IMMP2L: variants seen among roughly 807,000 people sequenced by gnomAD.
The protein encoded by IMMP2L is inner mitochondrial membrane peptidase subunit 2, also known as mitochondrial inner membrane protease subunit 2.
IMMP2L carries 18 observed loss-of-function variants against 19.3 expected under a neutral mutation model. The ratio of observed to expected loss-of-function variants is 0.93; its 90% CI spans 0.64 to 1.38. The LOEUF is 1.38. Among genes scored for constraint, IMMP2L ranks in the 40% most tolerant of loss-of-function variants. IMMP2L has a pLI of 0.00. For missense variants in IMMP2L, 233 were observed against 218.2 expected, an observed-to-expected ratio of 1.07 and a Z score of -0.43; for synonymous variants, 76 against 73.0, an observed-to-expected ratio of 1.04 and a Z score of -0.21.
chr7:110,705,490 T>C lies in IMMP2L; in HGVS notation c.409-41769A>G, dbSNP rs529764706. The stretch of plus-strand genomic sequence containing the variant: ...ACATAATAAAAGATTATATGAAACG[T>C]CTTGAAATTAATCCAAAGGATGAAG... On this transcript the variant is annotated intron_variant, in intron 5 of 5. Transcript: ENST00000405709. Among the ~76,000 whole-genome samples, 4 of 152,296 alleles carry C rather than the reference T, an allele frequency of 2.6e-5. 1 individual carries two copies. The highest frequency in any genetic ancestry group is 7.2e-5 in the African/African-American group (3 of 41,554).
intron 4 of IMMP2L, among the ~76,000 whole-genome samples, chr7:110,937,278 AT>A (rs1197843767): frequency 1.3e-5 from 2 of 152,192 alleles, no homozygotes; most frequent in African/African-American, 2.4e-5. Context: ...GTGACTAGAG[AT>A]AAAGGTAGGG....
chr7:110,664,636 A>C (rs1273714850), intron 5 of IMMP2L, among the ~76,000 whole-genome samples: 1 of 152,152 alleles, frequency 6.6e-6, no homozygotes, highest in African/African-American at 2.4e-5. Context: ...GTCTTATCTT[A>C]AGAGATTACC....
chr7:111,280,061 T>C (rs1242098970), intron 3 of IMMP2L, among the ~76,000 whole-genome samples: 2 of 152,108 alleles, frequency 1.3e-5, no homozygotes, highest in Non-Finnish European at 2.9e-5. Flanking sequence ...CTCACTCCTC[T>C]TAACACCATC....
intron 3 of IMMP2L, among the ~76,000 whole-genome samples, chr7:111,098,259 C>T (rs562362196): frequency 7.9e-4 from 120 of 151,866 alleles, no homozygotes; most frequent in African/African-American, 2.7e-3. Flanking sequence ...TTATTACTCA[C>T]GTATTTTTTA....
chr7:110,873,429 CAAAAAAAAAA>C (rs60827428), intron 5 of IMMP2L, among the ~76,000 whole-genome samples: 12 of 28,952 alleles, frequency 4.1e-4, no homozygotes, highest in Admixed American at 1.3e-3. Context: ...GACTCTATCT[CAAAAAAAAAA>C]AAAAAAAAAA....
chr7:110,824,695 C>T (rs1803308875), intron 5 of IMMP2L, among the ~76,000 whole-genome samples: 1 of 152,066 alleles, frequency 6.6e-6, no homozygotes, highest in Non-Finnish European at 1.5e-5. Flanking sequence ...GGATCTTTAC[C>T]TATGTGCATG....
intron 3 of IMMP2L, among the ~76,000 whole-genome samples, chr7:111,081,049 G>T (rs1795846836): frequency 6.6e-6 from 1 of 152,166 alleles, no homozygotes; most frequent in South Asian, 2.1e-4. Context: ...GGATATTATT[G>T]ATAGGATAAG....
At chr7:110,885,017 G>T (rs1179005878) in intron 5 of IMMP2L, among the ~76,000 whole-genome samples, 2 of 151,622 alleles carry the variant, frequency 1.3e-5, no homozygotes, top group Non-Finnish European at 2.9e-5. Context: ...CTATGTGAAA[G>T]AAATTATTTT....
rs1328367181 is a variant in IMMP2L, at chr7:110,728,391, C to T, written c.409-64670G>A. On this transcript the variant is annotated intron_variant, in intron 5 of 5. Coordinates refer to ENST00000405709, the MANE Select transcript of IMMP2L (RefSeq NM_032549.4). This position sits in a 1 kb window ranked among gnomAD's most constrained non-coding sequence, Gnocchi z 4.6. ...GTGTGTGCCTGTAAACCCAGCTACT[C>T]GGGAGGCTGAGGCACGAGAATCGCT... is the stretch of plus-strand genomic sequence containing the variant. Among the ~76,000 whole-genome samples, 1 of 151,876 alleles carries T rather than the reference C, an allele frequency of 6.6e-6. No homozygotes were observed. Among genetic ancestry groups the T allele is most frequent in the African/African-American group, 2.4e-5 (1 of 41,342 alleles).
chr7:110,844,931 C>T (rs1805526155), intron 5 of IMMP2L, among the ~76,000 whole-genome samples: 3 of 151,828 alleles, frequency 2.0e-5, no homozygotes, highest in South Asian at 4.2e-4. Flanking sequence ...AAGGGGAGGC[C>T]CAGAAAAAGA....
intron 5 of IMMP2L, among the ~76,000 whole-genome samples, chr7:110,860,949 G>A (rs1807328233): frequency 6.6e-6 from 1 of 151,966 alleles, no homozygotes; most frequent in African/African-American, 2.4e-5. Flanking sequence ...TGTATGTAAT[G>A]AATCCAACTA....
chr7:111,261,168 C>T (rs891257932), intron 3 of IMMP2L, among the ~76,000 whole-genome samples: 2 of 152,010 alleles, frequency 1.3e-5, no homozygotes, highest in Non-Finnish European at 2.9e-5. Flanking sequence ...GCTAATTTCT[C>T]CACCGCCTTT....
intron 5 of IMMP2L, among the ~76,000 whole-genome samples, chr7:110,800,074 C>T (rs1431997187): frequency 6.6e-6 from 1 of 152,042 alleles, no homozygotes; most frequent in Non-Finnish European, 1.5e-5. Flanking sequence ...ATTTCAAAGT[C>T]ATTCTGTTCA....
At chr7:111,548,628 C>G (rs1673935067) in intron 1 of IMMP2L, among the ~76,000 whole-genome samples, 2 of 152,242 alleles carry the variant, frequency 1.3e-5, no homozygotes, top group South Asian at 4.2e-4. Context: ...CATTCTCAAA[C>G]TCAGAAGTGT....
intron 3 of IMMP2L, among the ~76,000 whole-genome samples, chr7:111,264,070 A>C (rs1817591434): frequency 6.6e-6 from 1 of 152,146 alleles, no homozygotes; most frequent in Non-Finnish European, 1.5e-5. Context: ...CAGTTATAAT[A>C]CTCCATACTC....
intron 3 of IMMP2L, among the ~76,000 whole-genome samples, chr7:111,402,964 G>A (rs1270416488): frequency 3.4e-5 from 5 of 148,366 alleles, no homozygotes; most frequent in Admixed American, 3.3e-4. Flanking sequence ...GAGTGCTGTG[G>A]TGCAATCTCG....
intron 1 of IMMP2L, among the ~76,000 whole-genome samples, chr7:111,556,149 A>G (rs2133151550): frequency 6.6e-6 from 1 of 151,086 alleles, no homozygotes; most frequent in South Asian, 2.1e-4. Context: ...TAAAACAGTG[A>G]TCCCAGGGGA....
At chr7:110,785,961 A>T (rs560865225) in intron 5 of IMMP2L, among the ~76,000 whole-genome samples, 1 of 151,820 alleles carries the variant, frequency 6.6e-6, no homozygotes, top group Non-Finnish European at 1.5e-5. Context: ...TATCTTAAGG[A>T]TCTTTCGTAT....
At chr7:110,872,613 TC>T (rs1808648159) in intron 5 of IMMP2L, among the ~76,000 whole-genome samples, 2 of 152,112 alleles carry the variant, frequency 1.3e-5, no homozygotes, top group African/African-American at 2.4e-5. Flanking sequence ...AGATACCTGA[TC>T]CAAACTATGA....
Sources: gnomAD v4.1 joint callset for allele counts (sites outside exome capture counted in the v4.1 genomes callset) on GRCh38, gnomAD v4.1.1 for gene constraint, Gnocchi (gnomAD v3.1) non-coding constraint, MANE v1.5 for transcripts, NCBI Gene and HGNC (gene_info 2026-07-23, HGNC 2026-07-21) for gene names.